CAMTA1: variants seen among roughly 807,000 people sequenced by gnomAD.
CAMTA1 encodes calmodulin-binding transcription activator 1.
Under a neutral mutation model 170.9 loss-of-function variants are expected in CAMTA1, and 27 were observed. That is an observed-to-expected ratio of 0.16 (90% CI 0.12 to 0.22). The LOEUF is 0.22. Ranked by LOEUF, CAMTA1 falls within the 10% of genes least tolerant of loss-of-function variation. The probability of loss-of-function intolerance (pLI) is 1.00; values close to 1 mark genes in which losing one functional copy is unlikely to be tolerated. For synonymous variants in CAMTA1, 833 were observed against 891.5 expected (o/e 0.93, Z 1.17); for missense variants, 1,619 against 2,217.2 (o/e 0.73, Z 5.42).
intron 5 of CAMTA1, among the ~76,000 whole-genome samples, chr1:7,321,653 A>G (rs1363826910): frequency 6.6e-6 from 1 of 152,092 alleles, no homozygotes; most frequent in Non-Finnish European, 1.5e-5. Context: ...CTCTTTTTGC[A>G]TATTTTAGGA....
At chr1:7,197,895 T>C (rs940922946) in intron 4 of CAMTA1, among the ~76,000 whole-genome samples, 5 of 151,804 alleles carry the variant, frequency 3.3e-5, no homozygotes, top group Non-Finnish European at 7.4e-5. Context: ...AGCCGTATCT[T>C]CCCCTGCTAG....
intron 7 of CAMTA1, among the ~76,000 whole-genome samples, chr1:7,648,952 C>A (rs181903127): frequency 1.1e-4 from 16 of 152,346 alleles, no homozygotes; most frequent in Admixed American, 9.1e-4. Context: ...CTTTGGGCCA[C>A]AGGCCTCCTT....
At chr1:7,049,542 TGCCTCCCGG>T (rs1446447994) in intron 3 of CAMTA1, among the ~76,000 whole-genome samples, 1 of 152,148 alleles carries the variant, frequency 6.6e-6, no homozygotes, top group Admixed American at 6.5e-5. Context: ...CTGCAACCTC[TGCCTCCCGG>T]GTGCAAGCGA....
chr1:7,498,383 A>G (rs2149759243), intron 6 of CAMTA1, among the ~76,000 whole-genome samples: 1 of 146,454 alleles, frequency 6.8e-6, no homozygotes, highest in Admixed American at 6.7e-5. Flanking sequence ...GTATGAGTGG[A>G]TGTGTGTGAG....
At chr1:6,871,654 A>G in intron 3 of CAMTA1, 8 of 973,542 alleles carry the variant, frequency 8.2e-6, no homozygotes, top group Non-Finnish European at 1.2e-5. Flanking sequence ...TCTACACGAC[A>G]TCAGGAATGA....
At chr1:7,200,372 T>C (rs1219344323) in intron 4 of CAMTA1, among the ~76,000 whole-genome samples, 1 of 152,328 alleles carries the variant, frequency 6.6e-6, no homozygotes, top group South Asian at 2.1e-4. Flanking sequence ...ATCAATGTGA[T>C]ACTATTATTA....
chr1:7,462,498 C>T (rs2093113495), intron 5 of CAMTA1, among the ~76,000 whole-genome samples: 1 of 152,164 alleles, frequency 6.6e-6, no homozygotes, highest in Admixed American at 6.5e-5. Flanking sequence ...CTCCTGACCT[C>T]AGGTGATTGG....
chr1:7,112,576 A>G (rs1247308109), intron 4 of CAMTA1, among the ~76,000 whole-genome samples: 1 of 152,220 alleles, frequency 6.6e-6, no homozygotes, highest in African/African-American at 2.4e-5. Context: ...CCACTCTGAC[A>G]GACACCCAGC....
intron 3 of CAMTA1, among the ~76,000 whole-genome samples, chr1:6,929,356 TTTTGTTTG>T (rs937296702): frequency 1.3e-5 from 2 of 150,062 alleles, no homozygotes; most frequent in African/African-American, 2.5e-5. Context: ...ATTTTTTTTT[TTTTGTTTG>T]TTTGTTTGTT....
At chr1:7,436,074 G>A (rs1176833064) in intron 5 of CAMTA1, among the ~76,000 whole-genome samples, 1 of 152,220 alleles carries the variant, frequency 6.6e-6, no homozygotes, top group Non-Finnish European at 1.5e-5. Context: ...TAGACTCTCA[G>A]CCTCATGGCA....
At chr1:7,428,139 A>T (rs1247270769) in intron 5 of CAMTA1, among the ~76,000 whole-genome samples, 2 of 152,036 alleles carry the variant, frequency 1.3e-5, no homozygotes. Context: ...GGGTGGGGGC[A>T]GGAAGTCCAC....
rs968592905 is a variant in CAMTA1 at position 7,007,772 on chromosome 1, G to T, written c.235-83532G>T. On this transcript the variant is annotated intron_variant, in intron 3 of 22. Transcript: ENST00000303635. This position sits in a 1 kb window ranked among gnomAD's most constrained non-coding sequence, Gnocchi z 4.5. ...CCTGTGCTTTTCTACCGACTTCTGG[G>T]CCGGGTCATCCACTCCTCCAGAAGA... 3.3e-5 allele frequency among the ~76,000 whole-genome samples: 5 copies of T among 152,166 alleles called. No individual in the cohort carries two copies. The highest frequency in any genetic ancestry group is 5.9e-5 in the Non-Finnish European group (4 of 68,044).
At chr1:7,425,333 C>T (rs1166789215) in intron 5 of CAMTA1, among the ~76,000 whole-genome samples, 2 of 152,104 alleles carry the variant, frequency 1.3e-5, no homozygotes, top group African/African-American at 2.4e-5. Flanking sequence ...TCCCTGGGGG[C>T]CAGCGGGGCT....
rs1157915205 is a variant in CAMTA1 at position 7,633,778 on chromosome 1, C to T, written c.511-6622C>T. ...GGAGCTCACATTGTGGCCAGGAAAA[C>T]AGGCCAAACCCGAGTAGTAATTGAG... On this transcript the variant is annotated intron_variant, in intron 6 of 22. Transcript: ENST00000303635. The surrounding 1 kb of genome is among the most constrained non-coding windows in gnomAD (Gnocchi z 4.1). Among the ~76,000 whole-genome samples, 1 of 152,264 alleles carries T rather than the reference C, an allele frequency of 6.6e-6. No homozygotes were observed. The highest frequency in any genetic ancestry group is 6.5e-5 in the Admixed American group (1 of 15,294).
chr1:7,066,227 A>G (rs1168499070), intron 3 of CAMTA1, among the ~76,000 whole-genome samples: 1 of 152,210 alleles, frequency 6.6e-6, no homozygotes, highest in Non-Finnish European at 1.5e-5. Context: ...CCAGGGCAAC[A>G]GCATCACAGG....
intron 3 of CAMTA1, among the ~76,000 whole-genome samples, chr1:6,865,497 A>C (rs1385427292): frequency 6.6e-6 from 1 of 152,138 alleles, no homozygotes; most frequent in Non-Finnish European, 1.5e-5. Context: ...TTCTGGCTCT[A>C]CCATTTTTAA....
At chr1:7,583,431 A>C (rs1396983043) in intron 6 of CAMTA1, among the ~76,000 whole-genome samples, 2 of 152,110 alleles carry the variant, frequency 1.3e-5, no homozygotes, top group Non-Finnish European at 2.9e-5. Context: ...TGGGGGCTGC[A>C]GGATTTTGGC....
rs570317623 is a variant in CAMTA1, at chr1:7,668,536, C to T, written c.2653-2375C>T. On this transcript the variant is annotated intron_variant, in intron 9 of 22. Transcript: ENST00000303635. ...GACTCAGAGACCTCAGATGGCATTT[C>T]GTGCCCCCTCCCCACCCCCAAAACC... is the stretch of plus-strand genomic sequence containing the variant. Among the ~76,000 whole-genome samples the T allele has an allele frequency of 2.6e-5, 4 of 152,162 alleles. No homozygotes were observed. The South Asian group carries it at 6.2e-4, about 24-fold the overall frequency.
intron 3 of CAMTA1, among the ~76,000 whole-genome samples, chr1:6,954,360 C>T (rs529525859): frequency 2.0e-5 from 3 of 152,254 alleles, no homozygotes; most frequent in Non-Finnish European, 2.9e-5. Flanking sequence ...TCCTATTGCT[C>T]GAGCTGTTGG....
Sources: allele counts gnomAD v4.1 joint callset (sites outside exome capture counted in the v4.1 genomes callset), GRCh38; gene constraint gnomAD v4.1.1; non-coding constraint Gnocchi (gnomAD v3.1); transcripts MANE v1.5; gene names NCBI Gene and HGNC (gene_info 2026-07-23, HGNC 2026-07-21).